SLC5A8: variants seen among roughly 807,000 people sequenced by gnomAD.
The protein encoded by SLC5A8 is solute carrier family 5 member 8, also known as sodium-coupled monocarboxylate transporter 1.
A neutral mutation model predicts 71.9 loss-of-function variants in SLC5A8; 55 were observed. The ratio of observed to expected loss-of-function variants is 0.77; its 90% CI spans 0.62 to 0.96. The LOEUF (loss-of-function observed/expected upper bound fraction) is 0.96. Among genes scored for constraint, SLC5A8 ranks in the 40% least tolerant of loss-of-function variants. The probability of loss-of-function intolerance (pLI) is 0.00; values close to 1 mark genes in which losing one functional copy is unlikely to be tolerated. For missense variants in SLC5A8, 701 were observed against 745.3 expected, an observed-to-expected ratio of 0.94 and a Z score of 0.69; for synonymous variants, 307 against 276.1, an observed-to-expected ratio of 1.11 and a Z score of -1.11.
At position 101,157,305 on chromosome 12, in the gene SLC5A8, C is replaced by T. The variant is rs1593357202; in HGVS notation, c.1807G>A (p.Gly603Ser). ...CACAAACGAGTCCCATTGCTCTTGC[C>T]ACTCTGATCTGAGTTCAATTCAATG... ...NHIELNSDQSGKSNGTRL is the reference protein window; with the variant it reads ...NHIELNSDQSSKSNGTRL Residue 603 changes from glycine (G) to serine (S), a missense_variant, in exon 15 of 15, where the codon GGC becomes AGC. Transcript: ENST00000536262. 4 of 1,613,222 alleles carry T rather than the reference C, an allele frequency of 2.5e-6. No homozygotes were observed. The African/African-American group carries it at 4.0e-5, about 16-fold the overall frequency.
In SLC5A8 at chr12:101,158,333, A is replaced by G. The variant is rs2051687033; in HGVS notation, c.1631-5T>C. ...CTAAGTTCTGTTTTCTTCCTCCTGG[A>G]AAAAAAAATGTACATGACTTACGTT... On this transcript the variant is annotated splice_polypyrimidine_tract_variant and splice_region_variant and intron_variant, in intron 13 of 14. Coordinates refer to ENST00000536262, the MANE Select transcript of SLC5A8 (RefSeq NM_145913.5). 1 of 1,453,124 alleles carries G rather than the reference A, an allele frequency of 6.9e-7. No homozygotes were observed. The allele number at this position is 1,453,124 out of a possible 1,614,324, so 90.0% of individuals were successfully genotyped here.
chr12:101,195,402 C>G (rs1423176235), intron 3 of SLC5A8, among the ~76,000 whole-genome samples: 1 of 152,158 alleles, frequency 6.6e-6, no homozygotes, highest in Non-Finnish European at 1.5e-5. Context: ...TAATTCAATA[C>G]ATGGAAAGGC....
intron 9 of SLC5A8, 61 bp from the exon 10 acceptor site, chr12:101,180,157 A>G: frequency 2.0e-6 from 3 of 1,502,874 alleles, no homozygotes; most frequent in Non-Finnish European, 2.8e-6. Context: ...AATTCTCAAT[A>G]GAATAATCCA....
At chr12:101,181,104 T>A (rs2051928009) in intron 9 of SLC5A8, among the ~76,000 whole-genome samples, 1 of 152,218 alleles carries the variant, frequency 6.6e-6, no homozygotes, top group African/African-American at 2.4e-5. Context: ...GGGAAATTTG[T>A]CCATCATAAA....
chr12:101,181,618 A>AT (rs1868371814), intron 9 of SLC5A8, among the ~76,000 whole-genome samples: 3 of 152,196 alleles, frequency 2.0e-5, no homozygotes, highest in Admixed American at 6.5e-5. Context: ...GGGTAACTGG[A>AT]TTTTCTCAAG....
intron 11 of SLC5A8, 119 bp from the exon 12 acceptor site, chr12:101,166,818 A>G: frequency 3.6e-6 from 3 of 830,034 alleles, no homozygotes; most frequent in South Asian, 1.9e-5. Flanking sequence ...GGGCAGAAAC[A>G]TTCAACGCTC....
intron 4 of SLC5A8, 57 bp from the exon 5 acceptor site, chr12:101,193,836 ACACACT>A: frequency 6.5e-7 from 1 of 1,527,010 alleles, no homozygotes; most frequent in African/African-American, 1.4e-5. Flanking sequence ...TTAAGCATCT[ACACACT>A]TATACACTAT....
intron 7 of SLC5A8, among the ~76,000 whole-genome samples, chr12:101,184,831 T>G (rs1193214966): frequency 6.6e-6 from 1 of 152,216 alleles, no homozygotes; most frequent in African/African-American, 2.4e-5. Flanking sequence ...AAAAACTTCC[T>G]GATACTAACT....
rs555676062 is a variant in SLC5A8, at chr12:101,209,387, G to C, written c.351+111C>G. 5.6e-4 allele frequency: 423 copies of C among 759,698 alleles called. 1 individual carries two copies. The African/African-American group carries it at 6.1e-3, about 11-fold the overall frequency. The allele number at this position is 759,698 out of a possible 1,614,324, so 47.1% of individuals were successfully genotyped here. A position where few individuals can be genotyped will look rare whatever the true frequency, so the allele number is the denominator to read the frequency against. ...GAGGGTGATGATGACGATGGACGGGGAGAGATTTCGATGTGGCAGTGACAG... is the reference window on the plus strand; with the variant it reads ...GAGGGTGATGATGACGATGGACGGGCAGAGATTTCGATGTGGCAGTGACAG... On this transcript the variant is annotated intron_variant, in intron 1 of 14. Transcript: ENST00000536262.
At chr12:101,202,133 G>A in intron 3 of SLC5A8, 31 bp downstream of exon 3, 1 of 1,607,094 alleles carries the variant, frequency 6.2e-7, no homozygotes, top group Middle Eastern at 1.7e-4. Context: ...CCCAAAATGT[G>A]AGTTACCTAA....
intron 3 of SLC5A8, among the ~76,000 whole-genome samples, chr12:101,200,873 C>A (rs993124399): frequency 1.3e-5 from 2 of 152,022 alleles, no homozygotes; most frequent in Non-Finnish European, 2.9e-5. Context: ...GAGGTTAGAC[C>A]TAGAGAATGT....
chr12:101,193,225 G>C (rs1868998557), intron 5 of SLC5A8, among the ~76,000 whole-genome samples: 1 of 152,054 alleles, frequency 6.6e-6, no homozygotes, highest in Non-Finnish European at 1.5e-5. Context: ...CACCCACCTT[G>C]GCCTCCCAAA....
chr12:101,199,978 T>C (rs1324973895), intron 3 of SLC5A8, among the ~76,000 whole-genome samples: 2 of 72,220 alleles, frequency 2.8e-5, no homozygotes, highest in Non-Finnish European at 2.8e-5. Context: ...TAAAAAAATG[T>C]TGGTAGAGGC....
chr12:101,165,453 A>G (rs2051760246), intron 12 of SLC5A8, among the ~76,000 whole-genome samples: 1 of 151,998 alleles, frequency 6.6e-6, no homozygotes. Flanking sequence ...CCCTCCCATT[A>G]GTGCTTTCAT....
intron 5 of SLC5A8, among the ~76,000 whole-genome samples, chr12:101,192,907 T>G (rs1349407846): frequency 1.3e-5 from 2 of 152,060 alleles, no homozygotes; most frequent in Non-Finnish European, 2.9e-5. Context: ...TGTCTCTTTT[T>G]TTTTTTTATG....
chr12:101,209,754 T>G lies in SLC5A8; in HGVS notation c.95A>C (p.Tyr32Ser), dbSNP rs372777653. 6 of 1,611,812 alleles carry G rather than the reference T, an allele frequency of 3.7e-6. No individual in the cohort carries two copies. In the East Asian group the frequency reaches 1.3e-4, roughly 36 times the overall value. Reference sequence around the variant, plus strand: ...CTGCTGGCCGCCCCCAGCGAAGGCGTAGTAGATGCCGATGGCGGCCGAGAT... The same window carrying G: ...CTGCTGGCCGCCCCCAGCGAAGGCGGAGTAGATGCCGATGGCGGCCGAGAT... ...LVISAAIGIY[Y>S]AFAGGGQQTS... Residue 32 changes from tyrosine to serine, a missense_variant, in exon 1 of 15, where the codon TAC (tyrosine) becomes TCC (serine). Transcript: ENST00000536262.
At chr12:101,203,330 C>T (rs1041452768) in intron 2 of SLC5A8, among the ~76,000 whole-genome samples, 5 of 152,054 alleles carry the variant, frequency 3.3e-5, no homozygotes, top group Admixed American at 3.3e-4. Flanking sequence ...CTCACTGCAG[C>T]AAATCCTAAG....
At chr12:101,165,414 C>T (rs1334022711) in intron 12 of SLC5A8, among the ~76,000 whole-genome samples, 1 of 152,088 alleles carries the variant, frequency 6.6e-6, no homozygotes, top group African/African-American at 2.4e-5. Flanking sequence ...ATCTTTTCTC[C>T]CTTTCTGACT....
chr12:101,186,571 A>C (rs1004813839), intron 7 of SLC5A8, among the ~76,000 whole-genome samples: 1 of 152,192 alleles, frequency 6.6e-6, no homozygotes, highest in Non-Finnish European at 1.5e-5. Flanking sequence ...ACAGAGGTTC[A>C]AAGTTAGGAC....
Sources: gnomAD v4.1 joint callset for allele counts (sites outside exome capture counted in the v4.1 genomes callset) on GRCh38, gnomAD v4.1.1 for gene constraint, MANE v1.5 for transcripts, NCBI Gene and HGNC (gene_info 2026-07-23, HGNC 2026-07-21) for gene names.